PTPRT: variants seen among roughly 807,000 people sequenced by gnomAD.
The protein encoded by PTPRT is receptor-type tyrosine-protein phosphatase T.
A neutral mutation model predicts 176.8 loss-of-function variants in PTPRT; 56 were observed. The ratio of observed to expected loss-of-function variants is 0.32; its 90% CI spans 0.26 to 0.40. PTPRT has a LOEUF of 0.40. Ranked by LOEUF, PTPRT falls within the 10% of genes least tolerant of loss-of-function variation. PTPRT has a pLI of 1.00. For synonymous variants in PTPRT, 783 were observed against 739.0 expected, an observed-to-expected ratio of 1.06 and a Z score of -0.96; for missense variants, 1,540 against 1,908.2, an observed-to-expected ratio of 0.81 and a Z score of 3.60.
intron 7 of PTPRT, among the ~76,000 whole-genome samples, chr20:42,590,925 A>C (rs1601331043): frequency 7.7e-6 from 1 of 130,654 alleles, no homozygotes; most frequent in African/African-American, 3.1e-5. Flanking sequence ...ACAGAGATTT[A>C]GCGTGTGTGT....
intron 8 of PTPRT, among the ~76,000 whole-genome samples, chr20:42,449,951 C>CAT (rs1568889674): frequency 6.6e-6 from 1 of 152,044 alleles, no homozygotes; most frequent in Non-Finnish European, 1.5e-5. Context: ...TATGCCTATG[C>CAT]ATATATATAT....
intron 11 of PTPRT, among the ~76,000 whole-genome samples, chr20:42,339,290 C>A (rs2058080661): frequency 6.6e-6 from 1 of 152,162 alleles, no homozygotes; most frequent in South Asian, 2.1e-4. Context: ...ATTTTGACAC[C>A]AGTTATTGTC....
intron 1 of PTPRT, among the ~76,000 whole-genome samples, chr20:43,098,681 C>T (rs2012269658): frequency 6.6e-6 from 1 of 151,820 alleles, no homozygotes; most frequent in Non-Finnish European, 1.5e-5. Context: ...GGAAAGTGAC[C>T]CCATGGTTTG....
chr20:42,140,216 A>G (rs1176414291), intron 18 of PTPRT, among the ~76,000 whole-genome samples: 1 of 150,840 alleles, frequency 6.6e-6, no homozygotes, highest in East Asian at 2.0e-4. Flanking sequence ...ATAATTTGTC[A>G]TTCAGGATCC....
intron 2 of PTPRT, among the ~76,000 whole-genome samples, chr20:42,846,637 G>A (rs1032454536): frequency 8.5e-5 from 13 of 152,210 alleles, no homozygotes; most frequent in Non-Finnish European, 1.8e-4. Flanking sequence ...TTTAATTTAA[G>A]TGAATGAGTT....
intron 19 of PTPRT, among the ~76,000 whole-genome samples, chr20:42,126,314 G>A (rs963015492): frequency 3.9e-5 from 6 of 152,166 alleles, no homozygotes; most frequent in African/African-American, 1.4e-4. Flanking sequence ...AAAGACAGCA[G>A]GGTATGGTGG....
At chr20:42,335,067 A>C (rs2058021470) in intron 11 of PTPRT, among the ~76,000 whole-genome samples, 1 of 152,188 alleles carries the variant, frequency 6.6e-6, no homozygotes. Context: ...TGATGAGATA[A>C]AGAAAGTCAA....
intron 7 of PTPRT, among the ~76,000 whole-genome samples, chr20:42,500,715 T>C (rs201218807): frequency 1.3e-5 from 2 of 152,300 alleles, no homozygotes; most frequent in East Asian, 1.9e-4. Context: ...ATGATGCTTA[T>C]TGACTGAAGA....
chr20:43,165,157 CTTT>C (rs575367224), intron 1 of PTPRT, among the ~76,000 whole-genome samples: 7 of 136,802 alleles, frequency 5.1e-5, no homozygotes, highest in Non-Finnish European at 6.3e-5. Context: ...TCTGCACATA[CTTT>C]TTTTTTTTTT....
At chr20:42,493,185 G>A (rs905414381) in intron 7 of PTPRT, among the ~76,000 whole-genome samples, 1 of 152,152 alleles carries the variant, frequency 6.6e-6, no homozygotes, top group African/African-American at 2.4e-5. Flanking sequence ...CAAAGTTCCT[G>A]TTTTACAGAT....
chr20:42,095,341 A>G lies in PTPRT; in HGVS notation c.3846+3080T>C, dbSNP rs143857878. 9.2e-5 allele frequency among the ~76,000 whole-genome samples: 14 copies of G among 152,296 alleles called. No individual in the cohort carries two copies. The East Asian group carries it at 2.5e-3, about 27-fold the overall frequency. On this transcript the variant is annotated intron_variant, in intron 27 of 30. Coordinates refer to ENST00000373187, the MANE Select transcript of PTPRT (RefSeq NM_007050.6). ...AAGCCCAAGTTCTTCTATGTCTTCC[A>G]TGGCCCTCTGACCTCACCTTCTGCT...
intron 1 of PTPRT, among the ~76,000 whole-genome samples, chr20:42,994,300 G>C (rs968276653): frequency 2.0e-5 from 3 of 152,054 alleles, no homozygotes; most frequent in African/African-American, 7.2e-5. Context: ...TTCCTTCCAG[G>C]CTGAACTCAG....
chr20:42,596,284 C>T (rs1450001528), intron 7 of PTPRT, among the ~76,000 whole-genome samples: 2 of 152,218 alleles, frequency 1.3e-5, no homozygotes, highest in African/African-American at 2.4e-5. Flanking sequence ...CCTGACAATA[C>T]CAAAACTTTG....
chr20:42,878,420 T>C (rs1320159839), intron 2 of PTPRT, among the ~76,000 whole-genome samples: 1 of 152,220 alleles, frequency 6.6e-6, no homozygotes, highest in Non-Finnish European at 1.5e-5. Flanking sequence ...CAACAATGAA[T>C]ACACATTATT....
intron 25 of PTPRT, among the ~76,000 whole-genome samples, chr20:42,102,960 GCTCT>G (rs564463801): frequency 1.3e-5 from 2 of 152,198 alleles, no homozygotes; most frequent in African/African-American, 4.8e-5. Context: ...CCCTCATTCA[GCTCT>G]CTGTCTCTAC....
intron 2 of PTPRT, among the ~76,000 whole-genome samples, chr20:42,859,512 A>G (rs1380865222): frequency 6.6e-6 from 1 of 150,852 alleles, no homozygotes; most frequent in East Asian, 1.9e-4. Flanking sequence ...ACCTCTTTAC[A>G]TGTTAATTAT....
At chr20:42,436,298 C>T (rs954521572) in intron 9 of PTPRT, among the ~76,000 whole-genome samples, 5 of 152,018 alleles carry the variant, frequency 3.3e-5, no homozygotes, top group Non-Finnish European at 5.9e-5. Context: ...GAAGTAAAAA[C>T]AGCAAATTAC....
chr20:43,163,651 A>C (rs1387979165), intron 1 of PTPRT, among the ~76,000 whole-genome samples: 11 of 147,210 alleles, frequency 7.5e-5, no homozygotes, highest in African/African-American at 2.8e-4. Flanking sequence ...AACAAAACAA[A>C]ACAAAAAAAA....
chr20:42,414,852 T>C (rs182694663), intron 9 of PTPRT, among the ~76,000 whole-genome samples: 2 of 152,284 alleles, frequency 1.3e-5, no homozygotes, highest in Non-Finnish European at 2.9e-5. Flanking sequence ...ATAAATCCAG[T>C]AGGATTTCTA....
Sources: allele counts gnomAD v4.1 joint callset (sites outside exome capture counted in the v4.1 genomes callset), GRCh38; gene constraint gnomAD v4.1.1; transcripts MANE v1.5; gene names NCBI Gene and HGNC (gene_info 2026-07-23, HGNC 2026-07-21).